CPQ: variants seen among roughly 807,000 people sequenced by gnomAD.
CPQ encodes the protein carboxypeptidase Q.
CPQ carries 37 observed loss-of-function variants against 45.7 expected under a neutral mutation model. The observed-to-expected ratio is 0.81, with a 90% CI of 0.62 to 1.07. The LOEUF (loss-of-function observed/expected upper bound fraction) is 1.07. Ranked by LOEUF, CPQ falls within the 50% of genes least tolerant of loss-of-function variation. The pLI is 0.00. For synonymous variants in CPQ, 186 were observed against 205.8 expected (o/e 0.90, Z 0.82); for missense variants, 537 against 572.9 (o/e 0.94, Z 0.64).
At chr8:97,111,276 A>G (rs1811494217) in intron 7 of CPQ, among the ~76,000 whole-genome samples, 1 of 152,304 alleles carries the variant, frequency 6.6e-6, no homozygotes, top group South Asian at 2.1e-4. Context: ...AGCTGTCTTC[A>G]AGGCCTGGCA....
chr8:97,085,404 C>T (rs1811024153), intron 7 of CPQ, among the ~76,000 whole-genome samples: 1 of 150,826 alleles, frequency 6.6e-6, no homozygotes, highest in Admixed American at 6.6e-5. Context: ...AAACCAAAAA[C>T]AAGTCCCTGG....
chr8:96,820,978 T>C (rs62508676), intron 2 of CPQ, among the ~76,000 whole-genome samples: 91,132 of 151,682 alleles, frequency 0.6, 28,111 homozygotes, highest in East Asian at 0.88. Flanking sequence ...TCTGTTATTG[T>C]GTGTGGTGAG....
intron 4 of CPQ, among the ~76,000 whole-genome samples, chr8:96,919,642 T>G (rs1367553971): frequency 6.6e-6 from 1 of 152,174 alleles, no homozygotes; most frequent in Non-Finnish European, 1.5e-5. Context: ...TGGAAGGTAT[T>G]CTTGTGTGAC....
chr8:96,714,573 T>G (rs749582567), intron 1 of CPQ, among the ~76,000 whole-genome samples: 4 of 152,170 alleles, frequency 2.6e-5, no homozygotes, highest in Non-Finnish European at 4.4e-5. Flanking sequence ...TATGTTGGTT[T>G]TTATCTTTCT....
At chr8:96,666,924 T>G (rs1208988218) in intron 1 of CPQ, among the ~76,000 whole-genome samples, 1 of 152,204 alleles carries the variant, frequency 6.6e-6, no homozygotes, top group African/African-American at 2.4e-5. Flanking sequence ...AAACCTTAGC[T>G]TTGACTCCCT....
At chr8:96,884,556 T>C (rs1812273989) in intron 4 of CPQ, among the ~76,000 whole-genome samples, 1 of 151,978 alleles carries the variant, frequency 6.6e-6, no homozygotes, top group African/African-American at 2.4e-5. Flanking sequence ...GGAGTCAGGG[T>C]TAGATAAGAG....
intron 1 of CPQ, among the ~76,000 whole-genome samples, chr8:96,671,987 G>C (rs1809009526): frequency 2.0e-5 from 3 of 152,082 alleles, no homozygotes; most frequent in African/African-American, 7.2e-5. Flanking sequence ...GTGATTTAGA[G>C]GATTATTAGA....
At chr8:96,739,792 G>C (rs1810054857) in intron 1 of CPQ, among the ~76,000 whole-genome samples, 1 of 150,710 alleles carries the variant, frequency 6.6e-6, no homozygotes, top group Admixed American at 6.6e-5. Context: ...CATTATTTCT[G>C]AGGGCTCTGT....
intron 4 of CPQ, among the ~76,000 whole-genome samples, chr8:96,934,162 G>A (rs1319780761): frequency 2.6e-5 from 4 of 152,134 alleles, no homozygotes; most frequent in Non-Finnish European, 5.9e-5. Context: ...GGTGCCCTTG[G>A]GCATGTCATG....
intron 5 of CPQ, among the ~76,000 whole-genome samples, chr8:97,023,112 C>CTATA (rs35585042): frequency 2.3e-4 from 33 of 144,330 alleles, no homozygotes; most frequent in South Asian, 8.6e-4. Context: ...TATATACACA[C>CTATA]TATATATATA....
Position 96,819,450 on chromosome 8 carries a change from C to CA in CPQ, c.434-15514dup, listed in dbSNP as rs201280319. Among the ~76,000 whole-genome samples the CA allele has an allele frequency of 3.7e-3, 559 of 150,370 alleles. 1 individual carries two copies. The highest frequency in any genetic ancestry group is 0.012 in the African/African-American group (473 of 41,082). On this transcript the variant is annotated intron_variant, in intron 2 of 7. Coordinates refer to ENST00000220763, the MANE Select transcript of CPQ (RefSeq NM_016134.4). ...TTTACAGATTTTTAAGATTAGGAAA[C>CA]AAAAAAAAATCAAAAGGAGTTAAAT...
chr8:97,138,309 A>G (rs949539174), intron 7 of CPQ, among the ~76,000 whole-genome samples: 1 of 152,318 alleles, frequency 6.6e-6, no homozygotes, highest in African/African-American at 2.4e-5. Context: ...GTCTGTTGAC[A>G]TCCTAAGTAC....
intron 4 of CPQ, among the ~76,000 whole-genome samples, chr8:96,900,818 C>T: frequency 6.6e-6 from 1 of 152,128 alleles, no homozygotes; most frequent in East Asian, 1.9e-4. Context: ...TTAGATAGTG[C>T]TCCCTATCTG....
chr8:97,031,611 T>C (rs1809909328), intron 6 of CPQ, among the ~76,000 whole-genome samples: 1 of 152,240 alleles, frequency 6.6e-6, no homozygotes, highest in African/African-American at 2.4e-5. Context: ...TTTTCTGTAA[T>C]GTGAGTTTCA....
chr8:96,650,072 T>C (rs1048643694), intron 1 of CPQ, among the ~76,000 whole-genome samples: 1 of 152,240 alleles, frequency 6.6e-6, no homozygotes, highest in Non-Finnish European at 1.5e-5. Flanking sequence ...GAGCTGGCGC[T>C]TCCAAATAAC....
intron 4 of CPQ, among the ~76,000 whole-genome samples, chr8:96,956,367 A>C (rs1443024862): frequency 2.6e-5 from 4 of 152,160 alleles, no homozygotes; most frequent in Admixed American, 2.0e-4. Context: ...AATTAGAAGA[A>C]ATCATTTTCG....
At chr8:97,034,927 G>C (rs1809970656) in intron 6 of CPQ, among the ~76,000 whole-genome samples, 1 of 140,690 alleles carries the variant, frequency 7.1e-6, no homozygotes, top group Non-Finnish European at 1.5e-5. Flanking sequence ...GTCGTGCTCT[G>C]TCCCCCAGGC....
At chr8:97,132,845 G>A (rs1811978903) in intron 7 of CPQ, 1 of 152,170 alleles carries the variant, frequency 6.6e-6, no homozygotes, top group Admixed American at 6.5e-5. Context: ...GGGTGAAGAG[G>A]GAACTTTATT....
intron 1 of CPQ, among the ~76,000 whole-genome samples, chr8:96,738,463 A>T (rs142186232): frequency 8.1e-5 from 12 of 148,070 alleles, no homozygotes; most frequent in South Asian, 6.4e-4. Context: ...TTTTTTATTT[A>T]TTTATTTTTA....
Sources: allele counts gnomAD v4.1 joint callset (sites outside exome capture counted in the v4.1 genomes callset), GRCh38; gene constraint gnomAD v4.1.1; transcripts MANE v1.5; gene names NCBI Gene and HGNC (gene_info 2026-07-23, HGNC 2026-07-21).